Variants in LONRF1 observed in about 807,000 individuals in gnomAD.
LONRF1 encodes LON peptidase N-terminal domain and ring finger 1.
In LONRF1, 37 loss-of-function variants were observed where a neutral mutation model predicts 85.8. The observed-to-expected ratio is 0.43, with a 90% CI of 0.33 to 0.57. The LOEUF is 0.57. LONRF1 is among the 20% of genes least tolerant of loss of function. The pLI, the probability that LONRF1 is intolerant of heterozygous loss-of-function variation, is 0.04. For synonymous variants in LONRF1, 517 were observed against 390.1 expected (o/e 1.33, Z -3.83); for missense variants, 1,036 against 978.0 (o/e 1.06, Z -0.79).
chr8:12,726,158 G>T (rs1798290155), intron 10 of LONRF1, among the ~76,000 whole-genome samples: 2 of 152,222 alleles, frequency 1.3e-5, no homozygotes, highest in African/African-American at 4.8e-5. Context: ...AGTGGGAAGA[G>T]TAAGATTGAG....
At chr8:12,748,553 T>C (rs1185107870) in intron 1 of LONRF1, among the ~76,000 whole-genome samples, 3 of 152,222 alleles carry the variant, frequency 2.0e-5, no homozygotes, top group East Asian at 1.9e-4. Context: ...CCTTCTTTTA[T>C]AAAGACTTTA....
chr8:12,726,288 T>C lies in LONRF1; in HGVS notation c.2011-409A>G, dbSNP rs1354480950. On this transcript the variant is annotated intron_variant, in intron 10 of 11. Transcript: ENST00000398246. ...TTGCTACAAAAAAAGAAAAGATAAG[T>C]AGTTAGGGTGTAGATGACATGACAG... Among the ~76,000 whole-genome samples the C allele has an allele frequency of 2.6e-5, 4 of 152,240 alleles. No individual in the cohort carries two copies. The East Asian group carries it at 5.8e-4, about 22-fold the overall frequency.
chr8:12,737,795 A>T (rs1798778249), intron 4 of LONRF1, among the ~76,000 whole-genome samples, 200 bp downstream of exon 4: 2 of 152,212 alleles, frequency 1.3e-5, no homozygotes, highest in South Asian at 4.1e-4. Context: ...CACGGGACCT[A>T]AAATTGTGAT....
intron 8 of LONRF1, among the ~76,000 whole-genome samples, chr8:12,731,203 G>A (rs749458518): frequency 6.6e-6 from 1 of 152,020 alleles, no homozygotes; most frequent in Non-Finnish European, 1.5e-5. Context: ...AGTTGCCTCC[G>A]AGATTTTCAC....
intron 7 of LONRF1, among the ~76,000 whole-genome samples, chr8:12,733,699 T>A (rs551663036): frequency 6.6e-6 from 1 of 152,222 alleles, no homozygotes; most frequent in African/African-American, 2.4e-5. Context: ...AAACCTTATA[T>A]ATCCAACAAC....
chr8:12,725,826 G>C lies in LONRF1; in HGVS notation c.2064C>G (p.Tyr688Ter). Reference sequence around the variant, plus strand: ...TCTGAAACCAGCTGCAGGCTTGAGAGTAAACCAAATCATGAAGCTCTCTGA... The same window carrying C: ...TCTGAAACCAGCTGCAGGCTTGAGACTAAACCAAATCATGAAGCTCTCTGA... ...KNLRELHDLVYSQACSWFQNL... is the reference protein window; with the variant it reads ...KNLRELHDLV The change falls in exon 11 of 12, where the codon TAC (tyrosine) becomes TAG (stop). Residue 688 changes from tyrosine (Y) to a stop codon, truncating the protein, a stop_gained. Transcript: ENST00000398246. LOFTEE classifies it high-confidence loss of function. 1 of 1,613,444 alleles carries C rather than the reference G, an allele frequency of 6.2e-7. No homozygotes were observed. The highest frequency in any genetic ancestry group is 8.5e-7 in the Non-Finnish European group (1 of 1,179,582).
intron 7 of LONRF1, among the ~76,000 whole-genome samples, chr8:12,732,917 A>C (rs1798581896): frequency 6.6e-6 from 1 of 152,252 alleles, no homozygotes; most frequent in African/African-American, 2.4e-5. Flanking sequence ...GCCATCCTTG[A>C]ATCTGCAGTC....
intron 6 of LONRF1, 111 bp from the exon 7 acceptor site, chr8:12,735,511 GC>G: frequency 1.4e-6 from 1 of 697,636 alleles, no homozygotes. Context: ...AAGAAGGAGG[GC>G]CCAGCAGGCA....
chr8:12,755,510 G>A lies in LONRF1; in HGVS notation c.-90C>T. 1 of 611,080 alleles carries A rather than the reference G, an allele frequency of 1.6e-6. No homozygotes were observed. The highest frequency in any genetic ancestry group is 2.0e-6 in the Non-Finnish European group (1 of 488,604). The allele number at this position is 611,080 out of a possible 1,614,324, so 37.9% of individuals were successfully genotyped here. ...CTCCGCACGCGGCCCGCGAGCAGGG[G>A]GGCGTGGCGCGCGGACACGGCGGGG... On this transcript the variant is annotated 5_prime_UTR_variant, in exon 1 of 12. Coordinates refer to ENST00000398246, the MANE Select transcript of LONRF1 (RefSeq NM_152271.5).
At position 12,736,727 on chromosome 8, in the gene LONRF1, T is replaced by A. The variant is rs762348319; in HGVS notation, c.1425A>T (p.Ser475=). Residue 475 remains serine, a synonymous_variant, in exon 6 of 12, where the codon TCA becomes TCT. Transcript: ENST00000398246. ...TCATGCAGAGAGAACACTCGAAATC[T>A]GAGACATCGATTAATTCTTCTGGAA... ...GDIPEELIDV[S]DFECSLCMRL... 4 of 1,610,960 alleles carry A rather than the reference T, an allele frequency of 2.5e-6. No individual in the cohort carries two copies. Among genetic ancestry groups the A allele is most frequent in the Non-Finnish European group, 3.4e-6 (4 of 1,178,572 alleles).
chr8:12,747,967 C>G (rs1799231584), intron 1 of LONRF1, among the ~76,000 whole-genome samples: 1 of 152,060 alleles, frequency 6.6e-6, no homozygotes, highest in South Asian at 2.1e-4. Flanking sequence ...ATAAAATATA[C>G]TATATATGCT....
chr8:12,724,886 A>T (rs986288876), intron 11 of LONRF1, among the ~76,000 whole-genome samples: 4 of 152,178 alleles, frequency 2.6e-5, no homozygotes, highest in Admixed American at 2.6e-4. Context: ...TTCAATTGGG[A>T]TTCAGACAAA....
At chr8:12,724,816 C>T (rs1207847201) in intron 11 of LONRF1, among the ~76,000 whole-genome samples, 1 of 152,160 alleles carries the variant, frequency 6.6e-6, no homozygotes, top group Non-Finnish European at 1.5e-5. Flanking sequence ...ATATGCTAAA[C>T]AGAATGAATA....
At chr8:12,743,324 A>T (rs1359367513) in intron 1 of LONRF1, 42 bp from the exon 2 acceptor site, 1 of 1,154,586 alleles carries the variant, frequency 8.7e-7, no homozygotes, top group Admixed American at 1.9e-5. Flanking sequence ...TTTTTAAAAG[A>T]TTATTACATA....
chr8:12,752,939 A>G (rs747930530), intron 1 of LONRF1: 4 of 152,254 alleles, frequency 2.6e-5, no homozygotes, highest in Non-Finnish European at 5.9e-5. Flanking sequence ...AGCGGAAGAT[A>G]CAGCACTGCC....
intron 6 of LONRF1, among the ~76,000 whole-genome samples, chr8:12,736,010 T>C (rs113493793): frequency 0.02 from 3,028 of 152,262 alleles, 51 homozygotes; most frequent in South Asian, 0.095. Context: ...GTTTTGAATT[T>C]GCTAGAAATA....
chr8:12,751,780 C>T (rs1220306137), intron 1 of LONRF1, among the ~76,000 whole-genome samples: 1 of 150,428 alleles, frequency 6.6e-6, no homozygotes, highest in Non-Finnish European at 1.5e-5. Context: ...GGAGATAAGT[C>T]AGTGTAAAAA....
chr8:12,742,930 T>C (rs968830110), intron 2 of LONRF1, among the ~76,000 whole-genome samples: 1 of 152,152 alleles, frequency 6.6e-6, no homozygotes, highest in African/African-American at 2.4e-5. Context: ...TTCAACATGT[T>C]GCCCAAGCTG....
intron 8 of LONRF1, among the ~76,000 whole-genome samples, chr8:12,730,493 C>T (rs1447412785): frequency 6.6e-6 from 1 of 151,866 alleles, no homozygotes; most frequent in East Asian, 1.9e-4. Context: ...AAGAAACAGC[C>T]CCATTAGTAA....
Sources: gnomAD v4.1 joint callset for allele counts (sites outside exome capture counted in the v4.1 genomes callset) on GRCh38, gnomAD v4.1.1 for gene constraint, MANE v1.5 for transcripts, NCBI Gene and HGNC (gene_info 2026-07-23, HGNC 2026-07-21) for gene names.